Variants in CHCT1 observed in about 807,000 individuals in gnomAD.
CHCT1 encodes the protein CHD1 helical C-terminal domain containing protein 1.
chr17:60,424,597 C>T, the CHCT1 span, among the ~76,000 whole-genome samples: 2 of 152,158 alleles, frequency 1.3e-5, no homozygotes, highest in Non-Finnish European at 2.9e-5. Context: ...CTTAGAATTC[C>T]GTAGACCCTG....
chr17:60,426,902 A>T, the CHCT1 span: 3 of 1,534,370 alleles, frequency 2.0e-6, no homozygotes, highest in Non-Finnish European at 2.6e-6. Context: ...GGATTGACAC[A>T]CCCAGAGCCC....
At chr17:60,428,768 T>A in the CHCT1 span, among the ~76,000 whole-genome samples, 58 of 152,144 alleles carry the variant, frequency 3.8e-4, no homozygotes, top group Non-Finnish European at 7.9e-4. Context: ...ACTACAGGCA[T>A]GAGCCACCGC....
chr17:60,425,327 G>A, the CHCT1 span, among the ~76,000 whole-genome samples: 1 of 152,222 alleles, frequency 6.6e-6, no homozygotes, highest in East Asian at 1.9e-4. Flanking sequence ...GACCACAGGT[G>A]CACGCCACCA....
chr17:60,426,206 C>T, the CHCT1 span: 1 of 1,551,798 alleles, frequency 6.4e-7, no homozygotes, highest in South Asian at 1.2e-5. Context: ...GCGAAAGTTG[C>T]ACCTGCCCAG....
the CHCT1 span, chr17:60,422,528 G>C: frequency 1.3e-6 from 2 of 1,545,126 alleles, no homozygotes; most frequent in South Asian, 2.4e-5. Context: ...CACAGAAGCA[G>C]TGGGTCAGAA....
At chr17:60,424,507 G>T in the CHCT1 span, among the ~76,000 whole-genome samples, 1 of 152,186 alleles carries the variant, frequency 6.6e-6, no homozygotes. Flanking sequence ...AATTAACTGA[G>T]CTTGCAGCTC....
the CHCT1 span, chr17:60,426,495 C>G: frequency 9.7e-7 from 1 of 1,034,738 alleles, no homozygotes; most frequent in Non-Finnish European, 1.4e-6. Flanking sequence ...CAGGACAGCC[C>G]TGACTGCACC....
chr17:60,426,664 G>A, the CHCT1 span: 1 of 1,568,906 alleles, frequency 6.4e-7, no homozygotes, highest in Non-Finnish European at 8.6e-7. Flanking sequence ...ACAAATGCTG[G>A]AGGGAGGAAG....
the CHCT1 span, among the ~76,000 whole-genome samples, chr17:60,422,852 CATT>C: frequency 6.6e-6 from 1 of 152,090 alleles, no homozygotes; most frequent in South Asian, 2.1e-4. Flanking sequence ...GGTCGCCTCT[CATT>C]GTTGGTTATG....
chr17:60,424,854 T>C, the CHCT1 span, among the ~76,000 whole-genome samples: 3 of 151,352 alleles, frequency 2.0e-5, no homozygotes, highest in Admixed American at 6.6e-5. Flanking sequence ...GCCTGGGTGA[T>C]AGAGTGAATA....
chr17:60,426,970 C>G, the CHCT1 span: 1 of 924,464 alleles, frequency 1.1e-6, no homozygotes, highest in Non-Finnish European at 1.3e-6. Context: ...GACCTTTACC[C>G]CTGCCCTGGG....
At chr17:60,431,377 T>A in the CHCT1 span, 1 of 715,928 alleles carries the variant, frequency 1.4e-6, no homozygotes, top group Non-Finnish European at 2.3e-6. Context: ...AGGTCTTAAT[T>A]AGGAATAAAT....
the CHCT1 span, chr17:60,422,340 G>A: frequency 1.1e-6 from 1 of 889,286 alleles, no homozygotes. Flanking sequence ...GTCTTCGCTC[G>A]ACCCCGCACA....
At chr17:60,422,978 C>G in the CHCT1 span, among the ~76,000 whole-genome samples, 42 of 152,034 alleles carry the variant, frequency 2.8e-4, no homozygotes, top group African/African-American at 9.2e-4. Context: ...CCTGGAGGAG[C>G]CTGTGTCCCA....
chr17:60,429,337 C>G, the CHCT1 span: 5 of 1,607,552 alleles, frequency 3.1e-6, no homozygotes, highest in African/African-American at 1.3e-5. Context: ...TCAACACTCT[C>G]CTTAACACGG....
At chr17:60,426,880 C>T in the CHCT1 span, 145 of 1,541,984 alleles carry the variant, frequency 9.4e-5, no homozygotes, top group Middle Eastern at 1.7e-4. Flanking sequence ...CTTAGACTTG[C>T]GGGGAGGCCT....
the CHCT1 span, among the ~76,000 whole-genome samples, chr17:60,428,485 ATTT>A: frequency 1.5e-5 from 2 of 134,420 alleles, no homozygotes; most frequent in African/African-American, 5.6e-5. Flanking sequence ...ATTGGCCTGA[ATTT>A]TTTTTTTTTT....
chr17:60,431,073 T>C, the CHCT1 span: 4 of 723,138 alleles, frequency 5.5e-6, no homozygotes, highest in Non-Finnish European at 9.2e-6. Flanking sequence ...TAAGATAGGA[T>C]TTTGCTATTC....
the CHCT1 span, chr17:60,431,314 C>G: frequency 7.3e-7 from 1 of 1,373,824 alleles, no homozygotes; most frequent in East Asian, 2.4e-5. Context: ...TCTCAGAGCA[C>G]GGGGAATGGA....
Sources: allele counts gnomAD v4.1 joint callset (sites outside exome capture counted in the v4.1 genomes callset), GRCh38; gene constraint gnomAD v4.1.1; transcripts MANE v1.5; gene names NCBI Gene and HGNC (gene_info 2026-07-23, HGNC 2026-07-21).